The following SNTB1 variants were observed in gnomAD, a reference collection of about 807,000 sequenced individuals.
SNTB1 encodes beta-1-syntrophin.
SNTB1 carries 36 observed loss-of-function variants against 48.9 expected under a neutral mutation model. The ratio of observed to expected loss-of-function variants is 0.74; its 90% CI spans 0.56 to 0.97. The LOEUF is 0.97. SNTB1 is among the 50% of genes least tolerant of loss of function. The pLI, the probability that SNTB1 is intolerant of heterozygous loss-of-function variation, is 0.00. For synonymous variants in SNTB1, 299 were observed against 294.6 expected (o/e 1.01, Z -0.15); for missense variants, 786 against 703.4 (o/e 1.12, Z -1.33).
intron 1 of SNTB1, among the ~76,000 whole-genome samples, chr8:120,725,956 C>G (rs1818749397): frequency 6.6e-6 from 1 of 152,128 alleles, no homozygotes; most frequent in Non-Finnish European, 1.5e-5. Context: ...ATAAAGTTAT[C>G]ACTGTTGACT....
chr8:120,806,317 A>G (rs376976004), intron 1 of SNTB1, among the ~76,000 whole-genome samples: 29 of 152,356 alleles, frequency 1.9e-4, no homozygotes, highest in Middle Eastern at 3.4e-3. Context: ...AGGCTTGTCT[A>G]GCTCCTAAAT....
rs550540886 is a variant in SNTB1 at position 120,767,418 on chromosome 8, C to T, written c.571+43855G>A. Among the ~76,000 whole-genome samples, 10 of 152,286 alleles carry T rather than the reference C, an allele frequency of 6.6e-5. No homozygotes were observed. The South Asian group carries it at 2.1e-3, about 32-fold the overall frequency. ...CAACAGTGTATATAAAGTGTTCATA[C>T]ACACACCATGCATATATATTTCAAT... On this transcript the variant is annotated intron_variant, in intron 1 of 6. Coordinates refer to ENST00000517992, the MANE Select transcript of SNTB1 (RefSeq NM_021021.4).
intron 1 of SNTB1, among the ~76,000 whole-genome samples, chr8:120,770,797 G>A (rs954148568): frequency 6.6e-6 from 1 of 152,092 alleles, no homozygotes; most frequent in African/African-American, 2.4e-5. Context: ...TGGGCAACAA[G>A]AGCAAAACTC....
At chr8:120,734,627 G>T (rs1818912282) in intron 1 of SNTB1, among the ~76,000 whole-genome samples, 1 of 152,074 alleles carries the variant, frequency 6.6e-6, no homozygotes, top group African/African-American at 2.4e-5. Flanking sequence ...AATGCTCCTG[G>T]GTTATCGAAC....
At chr8:120,750,197 A>C (rs1439610621) in intron 1 of SNTB1, among the ~76,000 whole-genome samples, 1 of 131,162 alleles carries the variant, frequency 7.6e-6, no homozygotes, top group African/African-American at 2.9e-5. Flanking sequence ...CCTTTTCACC[A>C]TTGCCCGCTT....
At chr8:120,778,197 A>G (rs1470235898) in intron 1 of SNTB1, among the ~76,000 whole-genome samples, 1 of 152,208 alleles carries the variant, frequency 6.6e-6, no homozygotes, top group Admixed American at 6.5e-5. Context: ...GGGCTTAGAT[A>G]TGTCTCCTTC....
At chr8:120,773,881 G>A (rs1819683273) in intron 1 of SNTB1, among the ~76,000 whole-genome samples, 1 of 152,222 alleles carries the variant, frequency 6.6e-6, no homozygotes, top group African/African-American at 2.4e-5. Flanking sequence ...ACATCTTCTG[G>A]ATTCAGGGCT....
At chr8:120,726,736 T>G (rs1472238774) in intron 1 of SNTB1, among the ~76,000 whole-genome samples, 1 of 152,188 alleles carries the variant, frequency 6.6e-6, no homozygotes. Flanking sequence ...ATGTAGGAAG[T>G]GCATGTAGCT....
chr8:120,676,391 T>C (rs970060881), intron 2 of SNTB1, among the ~76,000 whole-genome samples: 7 of 152,208 alleles, frequency 4.6e-5, no homozygotes, highest in Non-Finnish European at 7.3e-5. Flanking sequence ...ATTTTACATA[T>C]GGAATAACTG....
chr8:120,637,796 C>A, intron 2 of SNTB1: 1 of 325,180 alleles, frequency 3.1e-6, no homozygotes. Flanking sequence ...TCTACATGGA[C>A]TTCTTTGATT....
At chr8:120,792,792 A>G (rs73325130) in intron 1 of SNTB1, among the ~76,000 whole-genome samples, 6,502 of 152,094 alleles carry the variant, frequency 0.043, 193 homozygotes, top group South Asian at 0.093. Context: ...TACCTGATTC[A>G]CATAAGAAGT....
Position 120,617,102 on chromosome 8 carries a change from T to G in SNTB1, c.996+15342A>C, listed in dbSNP as rs138335726. 8.2e-3 allele frequency among the ~76,000 whole-genome samples: 1,247 copies of G among 152,354 alleles called. 22 individuals carry two copies. Among genetic ancestry groups the G allele is most frequent in the African/African-American group, 0.029 (1,198 of 41,590 alleles). ...GTGTTGAAAACATTATGAGTTTTTT[T>G]GCAATTTTAAAAAGCTCATTAGCTA... On this transcript the variant is annotated intron_variant, in intron 3 of 6. Transcript: ENST00000517992.
chr8:120,689,835 GTACC>G (rs1818096245), intron 2 of SNTB1, among the ~76,000 whole-genome samples: 1 of 152,082 alleles, frequency 6.6e-6, no homozygotes, highest in Non-Finnish European at 1.5e-5. Flanking sequence ...TGTATTATTT[GTACC>G]TAATGGAACT....
At chr8:120,616,100 AAAT>A (rs904595188) in intron 3 of SNTB1, among the ~76,000 whole-genome samples, 3 of 152,162 alleles carry the variant, frequency 2.0e-5, no homozygotes, top group Non-Finnish European at 2.9e-5. Context: ...AGGAGTGAAA[AAAT>A]AATATTAGGA....
At chr8:120,807,081 T>C (rs1425863523) in intron 1 of SNTB1, among the ~76,000 whole-genome samples, 1 of 152,200 alleles carries the variant, frequency 6.6e-6, no homozygotes, top group African/African-American at 2.4e-5. Flanking sequence ...TTCCACTGTT[T>C]CCAGTTCAGT....
At chr8:120,727,357 G>A (rs1818774669) in intron 1 of SNTB1, among the ~76,000 whole-genome samples, 1 of 152,190 alleles carries the variant, frequency 6.6e-6, no homozygotes, top group Non-Finnish European at 1.5e-5. Flanking sequence ...CAAGGACTGT[G>A]AGGAGCAGAC....
intron 1 of SNTB1, among the ~76,000 whole-genome samples, chr8:120,790,547 C>T (rs1176654743): frequency 6.6e-6 from 1 of 151,910 alleles, no homozygotes; most frequent in East Asian, 1.9e-4. Context: ...TCTCAGGTTA[C>T]CAAATCAGTG....
At chr8:120,676,424 C>T (rs925512936) in intron 2 of SNTB1, among the ~76,000 whole-genome samples, 5 of 152,108 alleles carry the variant, frequency 3.3e-5, no homozygotes, top group Non-Finnish European at 7.4e-5. Context: ...GTAAAGTATT[C>T]GAGATCACAA....
chr8:120,584,046 G>A lies in SNTB1; in HGVS notation c.997-8821C>T, dbSNP rs115975182. Reference sequence around the variant, plus strand: ...AACACTCAGCAGGTCTGGCGTGGTGGCTCACGCTTGTAAGCCCAACACCTT... The same window carrying A: ...AACACTCAGCAGGTCTGGCGTGGTGACTCACGCTTGTAAGCCCAACACCTT... On this transcript the variant is annotated intron_variant, in intron 3 of 6. Coordinates refer to ENST00000517992, the MANE Select transcript of SNTB1 (RefSeq NM_021021.4). 7.2e-3 allele frequency among the ~76,000 whole-genome samples: 1,089 copies of A among 152,274 alleles called. 14 individuals carry two copies. The highest frequency in any genetic ancestry group is 0.024 in the African/African-American group (999 of 41,550).
Sources: allele counts gnomAD v4.1 joint callset (sites outside exome capture counted in the v4.1 genomes callset), GRCh38; gene constraint gnomAD v4.1.1; transcripts MANE v1.5; gene names NCBI Gene and HGNC (gene_info 2026-07-23, HGNC 2026-07-21).